CLYBL: variants seen among roughly 807,000 people sequenced by gnomAD.
The protein encoded by CLYBL is citramalyl-CoA lyase, mitochondrial.
A neutral mutation model predicts 38.9 loss-of-function variants in CLYBL; 31 were observed. The ratio of observed to expected loss-of-function variants is 0.80; its 90% CI spans 0.60 to 1.08. CLYBL has a LOEUF of 1.08. CLYBL is among the 50% of genes least tolerant of loss of function. The probability of loss-of-function intolerance (pLI) is 0.00; values close to 1 mark genes in which losing one functional copy is unlikely to be tolerated. For missense variants in CLYBL, 434 were observed against 411.6 expected (o/e 1.05, Z -0.47); for synonymous variants, 171 against 158.6 (o/e 1.08, Z -0.59).
At chr13:99,616,219 G>C (rs950066392) in intron 1 of CLYBL, among the ~76,000 whole-genome samples, 6 of 149,904 alleles carry the variant, frequency 4.0e-5, no homozygotes, top group African/African-American at 1.2e-4. Flanking sequence ...CTATTCGCAG[G>C]TGTTATCATA....
chr13:99,776,346 A>C (rs947086375), intron 2 of CLYBL, among the ~76,000 whole-genome samples: 2 of 150,802 alleles, frequency 1.3e-5, no homozygotes, highest in East Asian at 3.9e-4. Flanking sequence ...AATACAAAAA[A>C]TCAGCCAGGA....
intron 2 of CLYBL, among the ~76,000 whole-genome samples, chr13:99,819,713 G>A (rs1327429611): frequency 1.3e-5 from 2 of 151,792 alleles, no homozygotes; most frequent in Non-Finnish European, 2.9e-5. Context: ...GAGCTCTGAA[G>A]TCAGGAAAAG....
chr13:99,683,592 A>T (rs1040189175), intron 1 of CLYBL, among the ~76,000 whole-genome samples: 1 of 152,020 alleles, frequency 6.6e-6, no homozygotes, highest in Non-Finnish European at 1.5e-5. Flanking sequence ...AGGATCATCA[A>T]TATTACTGTC....
chr13:99,873,932 A>G (rs930639875), intron 7 of CLYBL, among the ~76,000 whole-genome samples: 1 of 152,162 alleles, frequency 6.6e-6, no homozygotes, highest in African/African-American at 2.4e-5. Flanking sequence ...TCCTTGGTAT[A>G]ATGTTGGTTG....
intron 1 of CLYBL, among the ~76,000 whole-genome samples, chr13:99,721,707 C>G (rs1225265972): frequency 6.9e-6 from 1 of 145,452 alleles, no homozygotes; most frequent in Non-Finnish European, 1.5e-5. Context: ...TAGCTCTAAA[C>G]ACATATATCA....
Position 99,691,488 on chromosome 13 carries a change from A to G in CLYBL, c.63-81336A>G, listed in dbSNP as rs1594122011. 3.9e-5 allele frequency among the ~76,000 whole-genome samples: 6 copies of G among 152,166 alleles called. 1 individual carries two copies. On this transcript the variant is annotated intron_variant, in intron 1 of 8. Coordinates refer to ENST00000339105, the MANE Select transcript of CLYBL (RefSeq NM_206808.5). ...CTTCAGGGAACGACGTTTAAAAACC[A>G]TTTTGTATCATGAAATGGGACCCGA... is the stretch of plus-strand genomic sequence containing the variant.
intron 1 of CLYBL, among the ~76,000 whole-genome samples, chr13:99,752,227 C>A (rs924778138): frequency 6.6e-6 from 1 of 152,118 alleles, no homozygotes; most frequent in Non-Finnish European, 1.5e-5. Context: ...CCTTTTTAGC[C>A]CTCTGAGGAC....
At chr13:99,726,416 C>T (rs1476797795) in intron 1 of CLYBL, 2 of 151,970 alleles carry the variant, frequency 1.3e-5, no homozygotes, top group Non-Finnish European at 2.9e-5. Context: ...TCGGTGTGTT[C>T]TTTCTGAAGC....
At chr13:99,713,361 A>G (rs997807880) in intron 1 of CLYBL, among the ~76,000 whole-genome samples, 2 of 132,430 alleles carry the variant, frequency 1.5e-5, no homozygotes, top group African/African-American at 2.9e-5. Context: ...TTTTTTTAAG[A>G]CAGAGTCTTG....
intron 1 of CLYBL, among the ~76,000 whole-genome samples, chr13:99,692,215 C>G (rs1465732592): frequency 6.6e-6 from 1 of 152,138 alleles, no homozygotes; most frequent in Non-Finnish European, 1.5e-5. Context: ...ACTGACCTCC[C>G]ATTGCATTTA....
intron 2 of CLYBL, among the ~76,000 whole-genome samples, chr13:99,788,058 A>G (rs1335041791): frequency 6.6e-6 from 1 of 152,202 alleles, no homozygotes; most frequent in Non-Finnish European, 1.5e-5. Flanking sequence ...TTGTATCCTG[A>G]GACTTTGCTG....
chr13:99,861,894 C>CTAT (rs1209227481), intron 3 of CLYBL, among the ~76,000 whole-genome samples: 1 of 152,168 alleles, frequency 6.6e-6, no homozygotes, highest in Non-Finnish European at 1.5e-5. Flanking sequence ...AGTTTCCTTT[C>CTAT]TATTAGTCAG....
chr13:99,656,189 G>A (rs1042093254), intron 1 of CLYBL, among the ~76,000 whole-genome samples: 1 of 152,152 alleles, frequency 6.6e-6, no homozygotes, highest in African/African-American at 2.4e-5. Context: ...GAAGGGTTGG[G>A]AGTGATAGAA....
At chr13:99,708,754 T>C (rs1001376339) in intron 1 of CLYBL, among the ~76,000 whole-genome samples, 3 of 152,120 alleles carry the variant, frequency 2.0e-5, no homozygotes, top group Admixed American at 2.0e-4. Context: ...GTACTCAGAA[T>C]GTGATTGTAT....
At chr13:99,621,184 C>T (rs963532202) in intron 1 of CLYBL, among the ~76,000 whole-genome samples, 2 of 152,112 alleles carry the variant, frequency 1.3e-5, no homozygotes, top group Non-Finnish European at 2.9e-5. Context: ...GATCATGGTG[C>T]CCACCCCCTT....
rs111269617 is a variant in CLYBL at position 99,609,520 on chromosome 13, C to G, written c.62+2763C>G. Among the ~76,000 whole-genome samples the G allele has an allele frequency of 3.8e-3, 582 of 152,122 alleles. 5 individuals carry two copies. Among genetic ancestry groups the G allele is most frequent in the African/African-American group, 0.013 (526 of 41,500 alleles). ...GATTGCTCCGTCTTCCAACTCAAAT[C>G]ATTTTCATTTTAATCCAGAACTTCT... On this transcript the variant is annotated intron_variant, in intron 1 of 8. Coordinates refer to ENST00000339105, the MANE Select transcript of CLYBL (RefSeq NM_206808.5).
At chr13:99,829,815 A>G (rs191621329) in intron 2 of CLYBL, among the ~76,000 whole-genome samples, 4 of 152,206 alleles carry the variant, frequency 2.6e-5, no homozygotes, top group Non-Finnish European at 4.4e-5. Context: ...CCTTTCAGGT[A>G]CTGTTTAATC....
intron 1 of CLYBL, among the ~76,000 whole-genome samples, chr13:99,632,326 A>G (rs1357636330): frequency 6.6e-6 from 1 of 152,296 alleles, no homozygotes; most frequent in African/African-American, 2.4e-5. Flanking sequence ...TAGGGAAGAC[A>G]GAACTTGGTA....
intron 2 of CLYBL, among the ~76,000 whole-genome samples, chr13:99,797,201 CAG>C (rs2050039313): frequency 1.3e-5 from 2 of 152,016 alleles, no homozygotes. Context: ...TGTGTGGAGA[CAG>C]AAATGAAAGA....
Sources: gnomAD v4.1 joint callset for allele counts (sites outside exome capture counted in the v4.1 genomes callset) on GRCh38, gnomAD v4.1.1 for gene constraint, MANE v1.5 for transcripts, NCBI Gene and HGNC (gene_info 2026-07-23, HGNC 2026-07-21) for gene names.